Variants in FRMPD4 observed in about 807,000 individuals in gnomAD.
FRMPD4 encodes FERM and PDZ domain-containing protein 4.
A neutral mutation model predicts 94.1 loss-of-function variants in FRMPD4; 22 were observed. The observed-to-expected ratio is 0.23, with a 90% CI of 0.17 to 0.33. The LOEUF (loss-of-function observed/expected upper bound fraction) is 0.33. Ranked by LOEUF, FRMPD4 falls within the 10% of genes least tolerant of loss-of-function variation. FRMPD4 has a pLI of 1.00. For missense variants in FRMPD4, 1,111 were observed against 1,339.9 expected (o/e 0.83, Z 2.67); for synonymous variants, 631 against 548.6 (o/e 1.15, Z -2.10).
Position 11,894,941 on chromosome X carries a change from A to G in FRMPD4, c.95+16923A>G, listed in dbSNP as rs561574356. Among the ~76,000 whole-genome samples the G allele has an allele frequency of 8.8e-4, 99 of 112,197 alleles. 1 individual carries two copies. The South Asian group carries it at 0.012, about 14-fold the overall frequency. ...AATAATACGATATGGAGTGATCTACATGCGGCAGATAGGGGAAGGCATTGG... is the reference window on the plus strand; with the variant it reads ...AATAATACGATATGGAGTGATCTACGTGCGGCAGATAGGGGAAGGCATTGG... On this transcript the variant is annotated intron_variant, in intron 3 of 18. Coordinates refer to the FRMPD4 transcript ENST00000640291.
chrX:12,418,185 G>A (rs1394993326), intron 1 of FRMPD4, among the ~76,000 whole-genome samples: 2 of 108,161 alleles, frequency 1.8e-5, no homozygotes, highest in Non-Finnish European at 3.8e-5. Flanking sequence ...CCCTCAGTAT[G>A]GCTGTATGGC....
At chrX:12,708,284 A>T (rs1230258388) in intron 13 of FRMPD4, among the ~76,000 whole-genome samples, 2 of 110,299 alleles carry the variant, frequency 1.8e-5, no homozygotes, top group Non-Finnish European at 3.8e-5. Context: ...AGGCTGACCA[A>T]CATGGTGAAA....
chrX:12,179,038 T>A (rs2056327600), intron 1 of FRMPD4, among the ~76,000 whole-genome samples: 1 of 112,248 alleles, frequency 8.9e-6, no homozygotes, highest in African/African-American at 3.2e-5. Context: ...CTCACTCATC[T>A]GTCTGCATTC....
At position 11,895,582 on chromosome X, in the gene FRMPD4, T is replaced by G. The variant is rs374147884; in HGVS notation, c.95+17564T>G. Among the ~76,000 whole-genome samples, 22 of 111,943 alleles carry G rather than the reference T, an allele frequency of 2.0e-4. 2 individuals are homozygous for G. The highest frequency in any genetic ancestry group is 1.5e-3 in the Admixed American group (16 of 10,574). On this transcript the variant is annotated intron_variant, in intron 3 of 18. Transcript: ENST00000640291. The stretch of plus-strand genomic sequence containing the variant: ...AGCAAATTTTTTTTGAACTTCAAAA[T>G]TCAGCAGTTAAATGAGATGGAAATG...
rs150016128 is a variant in FRMPD4 at position 12,704,872 on chromosome X, C to T, written c.1197+387C>T. ...GCACAACAGCCAGCAAGAGGCCCTG[C>T]AGGCCAGAGGCCACATTAATTAAAC... is the stretch of plus-strand genomic sequence containing the variant. On this transcript the variant is annotated intron_variant, in intron 11 of 16. Transcript: ENST00000675598. Among the ~76,000 whole-genome samples the T allele has an allele frequency of 4.5e-3, 500 of 112,296 alleles. 4 individuals carry two copies. The highest frequency in any genetic ancestry group is 0.015 in the African/African-American group (463 of 30,926).
chrX:12,551,451 T>C (rs1168279382), intron 2 of FRMPD4, among the ~76,000 whole-genome samples: 5 of 111,314 alleles, frequency 4.5e-5, no homozygotes, highest in Non-Finnish European at 9.4e-5. Context: ...TGTTCAATTT[T>C]CTCCCAGTGG....
chrX:12,101,321 C>A (rs960476032), intron 3 of FRMPD4, among the ~76,000 whole-genome samples: 1 of 111,325 alleles, frequency 9.0e-6, no homozygotes, highest in Non-Finnish European at 1.9e-5. Flanking sequence ...AGAGAGGAAG[C>A]CTTATCCTGG....
At position 12,162,681 on chromosome X, in the gene FRMPD4, A is replaced by G. The variant is rs898405218; in HGVS notation, c.41+23669A>G. ...ACATATGCTTTCAGATTTACGCAGC[A>G]TCTGGGGTTTAGTCCCAGGCAAATC... On this transcript the variant is annotated intron_variant, in intron 1 of 16. Transcript: ENST00000675598. Among the ~76,000 whole-genome samples the G allele has an allele frequency of 8.0e-5, 9 of 111,829 alleles. No individual in the cohort carries two copies. The Admixed American group carries it at 8.6e-4, about 11-fold the overall frequency.
Position 12,319,409 on chromosome X carries a change from T to C in FRMPD4, c.42-179271T>C, listed in dbSNP as rs192687549. Among the ~76,000 whole-genome samples the C allele has an allele frequency of 2.1e-3, 238 of 112,108 alleles. 12 individuals carry two copies. In the East Asian group the frequency reaches 0.042, roughly 20 times the overall value. On this transcript the variant is annotated intron_variant, in intron 1 of 16. Coordinates refer to ENST00000675598, the MANE Select transcript of FRMPD4 (RefSeq NM_001368397.1). The stretch of plus-strand genomic sequence containing the variant: ...CCACCCCCAGGGATTCTGATGTAAT[T>C]AGTATAGAGGAGGCCCTGGACACCA...
intron 3 of FRMPD4, among the ~76,000 whole-genome samples, chrX:12,084,518 T>C (rs1382419484): frequency 2.7e-5 from 3 of 112,158 alleles, no homozygotes; most frequent in East Asian, 2.8e-4. Context: ...GTAGGAGTGA[T>C]GGAGAATTTC....
Position 12,312,823 on chromosome X carries a change from G to T in FRMPD4, c.41+173811G>T, listed in dbSNP as rs1222448177. The stretch of plus-strand genomic sequence containing the variant: ...TGCTTTCTTATGGTGGGATTCCTCT[G>T]CAAATTGACACCATTCCCTGCCCTC... On this transcript the variant is annotated intron_variant, in intron 1 of 16. Transcript: ENST00000675598. Among the ~76,000 whole-genome samples, 3 of 103,717 alleles carry T rather than the reference G, an allele frequency of 2.9e-5. No homozygotes were observed. In the East Asian group the frequency reaches 1.0e-3, roughly 36 times the overall value. The allele number at this position is 103,717 out of a possible 115,157, so 90.1% of individuals were successfully genotyped here.
At chrX:12,139,248 G>C (rs949429103) in intron 1 of FRMPD4, among the ~76,000 whole-genome samples, 7 of 110,987 alleles carry the variant, frequency 6.3e-5, no homozygotes, top group Admixed American at 5.7e-4. Context: ...CCAACACACC[G>C]ACATTCACGA....
At chrX:12,205,107 A>G (rs2056676912) in intron 1 of FRMPD4, among the ~76,000 whole-genome samples, 1 of 109,864 alleles carries the variant, frequency 9.1e-6, no homozygotes, top group East Asian at 2.9e-4. Context: ...AAAAAAAAAA[A>G]AAGGCTTTTT....
chrX:11,994,598 A>T (rs2054486864), intron 3 of FRMPD4, among the ~76,000 whole-genome samples: 1 of 111,423 alleles, frequency 9.0e-6, no homozygotes, highest in Non-Finnish European at 1.9e-5. Context: ...GGAGTCTGTT[A>T]AGTTTGTCCT....
chrX:12,340,675 AT>A (rs1289219100), intron 1 of FRMPD4, among the ~76,000 whole-genome samples: 1 of 111,735 alleles, frequency 8.9e-6, no homozygotes, highest in Non-Finnish European at 1.9e-5. Flanking sequence ...AAAAAAATTT[AT>A]TTTTATGTAG....
intron 1 of FRMPD4, among the ~76,000 whole-genome samples, chrX:12,284,116 T>A: frequency 8.9e-6 from 1 of 112,268 alleles, no homozygotes; most frequent in Non-Finnish European, 1.9e-5. Flanking sequence ...AAGCTTTTTG[T>A]TTGTTTTGGT....
At chrX:11,934,013 C>A (rs2054136434) in intron 3 of FRMPD4, among the ~76,000 whole-genome samples, 1 of 112,083 alleles carries the variant, frequency 8.9e-6, no homozygotes, top group Admixed American at 9.5e-5. Context: ...TCTCCTGGCC[C>A]ATTGCCAGTC....
chrX:12,221,697 G>A (rs752611885), intron 1 of FRMPD4, among the ~76,000 whole-genome samples: 7 of 112,064 alleles, frequency 6.2e-5, no homozygotes, highest in Admixed American at 9.5e-5. Flanking sequence ...TTGGAGAAAA[G>A]TGAATCAACT....
At chrX:12,359,048 A>G (rs2055940499) in intron 1 of FRMPD4, among the ~76,000 whole-genome samples, 1 of 111,983 alleles carries the variant, frequency 8.9e-6, no homozygotes. Context: ...AGCTATCATC[A>G]ATGCTAGATG....
Sources: allele counts gnomAD v4.1 joint callset (sites outside exome capture counted in the v4.1 genomes callset), GRCh38; gene constraint gnomAD v4.1.1; transcripts MANE v1.5; gene names NCBI Gene and HGNC (gene_info 2026-07-23, HGNC 2026-07-21).